SH3RF3: variants seen among roughly 807,000 people sequenced by gnomAD.
SH3RF3 encodes E3 ubiquitin-protein ligase SH3RF3.
SH3RF3 carries 29 observed loss-of-function variants against 66.3 expected under a neutral mutation model. The observed-to-expected ratio is 0.44, with a 90% confidence interval of 0.33 to 0.60. The LOEUF (loss-of-function observed/expected upper bound fraction) is 0.60, where lower values mean the gene tolerates loss of function less well. Among genes scored for constraint, SH3RF3 ranks in the 20% least tolerant of loss-of-function variants. The probability of loss-of-function intolerance (pLI) is 0.04; values close to 1 mark genes in which losing one functional copy is unlikely to be tolerated. For synonymous variants in SH3RF3, 583 were observed against 532.0 expected (o/e 1.10, Z -1.32); for missense variants, 1,194 against 1,190.9 (o/e 1.00, Z -0.04).
At position 109,129,457 on chromosome 2, in the gene SH3RF3, T is replaced by C; in HGVS notation, c.-84T>C. On this transcript the variant is annotated 5_prime_UTR_variant, in exon 1 of 10. Coordinates refer to ENST00000309415, the MANE Select transcript of SH3RF3 (RefSeq NM_001099289.3). ...GTCACGGCGGAGCCCGGCTCCCCAGTCCTGATGCTGGCTGCCGGTGGCGGG... is the reference window on the plus strand; with the variant it reads ...GTCACGGCGGAGCCCGGCTCCCCAGCCCTGATGCTGGCTGCCGGTGGCGGG... The C allele has an allele frequency of 6.7e-7, 1 of 1,495,066 alleles. No individual in the cohort carries two copies. Among genetic ancestry groups the C allele is most frequent in the Non-Finnish European group, 8.9e-7 (1 of 1,126,940 alleles). 92.6% of individuals were successfully genotyped at this position (1,495,066 alleles called of 1,614,324 possible). A position where few individuals can be genotyped will look rare whatever the true frequency, so the allele number is the denominator to read the frequency against.
intron 1 of SH3RF3, among the ~76,000 whole-genome samples, chr2:109,209,993 T>C (rs997561436): frequency 8.5e-5 from 13 of 152,216 alleles, no homozygotes; most frequent in African/African-American, 3.1e-4. Flanking sequence ...GCCCCCCCAG[T>C]AACCTCTGTT....
chr2:109,239,757 G>A (rs900453977), intron 1 of SH3RF3, among the ~76,000 whole-genome samples: 13 of 152,226 alleles, frequency 8.5e-5, no homozygotes, highest in Admixed American at 2.6e-4. Flanking sequence ...GAAAGGAGCT[G>A]GCGGCACTGC....
intron 9 of SH3RF3, among the ~76,000 whole-genome samples, chr2:109,493,392 GACACCACAC>G (rs1435652482): frequency 6.8e-6 from 1 of 147,366 alleles, no homozygotes; most frequent in East Asian, 2.1e-4. Context: ...ACATGGTACA[GACACCACAC>G]ACACCACACA....
At chr2:109,466,990 A>C (rs1461014031) in intron 8 of SH3RF3, among the ~76,000 whole-genome samples, 1 of 152,190 alleles carries the variant, frequency 6.6e-6, no homozygotes, top group Non-Finnish European at 1.5e-5. Context: ...TACTCTGTGA[A>C]AGAGAGAAAG....
Position 109,418,303 on chromosome 2 carries a change from G to T in SH3RF3, c.1300-1236G>T, listed in dbSNP as rs939476499. Among the ~76,000 whole-genome samples the T allele has an allele frequency of 3.3e-5, 5 of 152,206 alleles. 1 individual carries two copies. Among genetic ancestry groups the T allele is most frequent in the Admixed American group, 3.3e-4 (5 of 15,292 alleles). On this transcript the variant is annotated intron_variant, in intron 4 of 9. Transcript: ENST00000309415. The stretch of plus-strand genomic sequence containing the variant: ...AGGCTCCCTGACAGCCCCTCTAATG[G>T]AGTGTCCTGAGGCTTCCAGAGCAGT...
chr2:109,189,202 C>T (rs145953190), intron 1 of SH3RF3, among the ~76,000 whole-genome samples: 5 of 151,978 alleles, frequency 3.3e-5, no homozygotes, highest in African/African-American at 7.2e-5. Flanking sequence ...CTGATACCCC[C>T]GAGATAGAGG....
intron 2 of SH3RF3, among the ~76,000 whole-genome samples, chr2:109,358,128 A>G (rs527652835): frequency 3.7e-4 from 56 of 152,304 alleles, no homozygotes; most frequent in Middle Eastern, 6.8e-3. Flanking sequence ...AGAACGTCAT[A>G]CGGTTGAAAT....
chr2:109,346,867 A>T (rs548786002), intron 1 of SH3RF3, among the ~76,000 whole-genome samples: 1 of 152,340 alleles, frequency 6.6e-6, no homozygotes, highest in Admixed American at 6.5e-5. Context: ...CCCTTGAACA[A>T]TTGTACTTCT....
chr2:109,161,495 A>G (rs1005539843), intron 1 of SH3RF3, among the ~76,000 whole-genome samples: 1 of 151,338 alleles, frequency 6.6e-6, no homozygotes, highest in Non-Finnish European at 1.5e-5. Flanking sequence ...CGTGCATTAC[A>G]TATCGTAAGG....
intron 7 of SH3RF3, among the ~76,000 whole-genome samples, chr2:109,442,015 T>C (rs776810392): frequency 1.7e-4 from 26 of 152,104 alleles, no homozygotes; most frequent in Non-Finnish European, 2.6e-4. Flanking sequence ...TTGTCTCTAA[T>C]AAATCCACAC....
chr2:109,271,115 G>A (rs1262178672), intron 1 of SH3RF3, among the ~76,000 whole-genome samples: 2 of 152,182 alleles, frequency 1.3e-5, no homozygotes, highest in African/African-American at 2.4e-5. Context: ...GCCAGCGAAC[G>A]GGGCGAAGTG....
At chr2:109,411,033 T>C (rs1676574156) in intron 4 of SH3RF3, among the ~76,000 whole-genome samples, 1 of 152,138 alleles carries the variant, frequency 6.6e-6, no homozygotes, top group African/African-American at 2.4e-5. Flanking sequence ...AATTAAGCCA[T>C]TAAAAATCAA....
intron 2 of SH3RF3, among the ~76,000 whole-genome samples, chr2:109,352,401 G>C (rs1234592959): frequency 3.3e-5 from 5 of 152,186 alleles, no homozygotes; most frequent in Admixed American, 3.3e-4. Context: ...GGATTGCCTG[G>C]GGGTAGCGGA....
intron 3 of SH3RF3, among the ~76,000 whole-genome samples, chr2:109,394,926 C>G (rs1193120240): frequency 1.3e-5 from 2 of 152,262 alleles, no homozygotes; most frequent in East Asian, 3.9e-4. Context: ...GAGCCGCCGT[C>G]CCGCACAGGC....
Position 109,261,307 on chromosome 2 carries a change from A to T in SH3RF3, c.574-86367A>T, listed in dbSNP as rs141297934. On this transcript the variant is annotated intron_variant, in intron 1 of 9. Coordinates refer to ENST00000309415, the MANE Select transcript of SH3RF3 (RefSeq NM_001099289.3). ...TTGTCCCCTCCCCAGGGCTCCAGGA[A>T]GCCTTGATCCGCACACTGTGCTGAA... is the stretch of plus-strand genomic sequence containing the variant. 1.4e-4 allele frequency among the ~76,000 whole-genome samples: 21 copies of T among 152,284 alleles called. No individual in the cohort carries two copies. The East Asian group carries it at 4.1e-3, about 29-fold the overall frequency.
intron 1 of SH3RF3, among the ~76,000 whole-genome samples, chr2:109,147,707 A>C (rs368537145): frequency 1.3e-5 from 2 of 152,274 alleles, no homozygotes; most frequent in African/African-American, 4.8e-5. Context: ...TCTGGGTCTT[A>C]GGGCACTTTG....
chr2:109,481,270 T>C (rs1678827608), intron 8 of SH3RF3, among the ~76,000 whole-genome samples: 1 of 152,238 alleles, frequency 6.6e-6, no homozygotes, highest in African/African-American at 2.4e-5. Context: ...CCAGTCACCA[T>C]GCTGTCACCA....
chr2:109,352,983 C>T (rs902391303), intron 2 of SH3RF3, among the ~76,000 whole-genome samples: 3 of 152,264 alleles, frequency 2.0e-5, no homozygotes, highest in Non-Finnish European at 2.9e-5. Context: ...TCCATGGGCA[C>T]GCCTGGCTCC....
intron 1 of SH3RF3, among the ~76,000 whole-genome samples, chr2:109,174,776 C>T (rs944137245): frequency 6.6e-6 from 1 of 152,230 alleles, no homozygotes; most frequent in Non-Finnish European, 1.5e-5. Flanking sequence ...GGCTCACTCG[C>T]TGGAGCCCTG....
Sources: allele counts gnomAD v4.1 joint callset (sites outside exome capture counted in the v4.1 genomes callset), GRCh38; gene constraint gnomAD v4.1.1; transcripts MANE v1.5; gene names NCBI Gene and HGNC (gene_info 2026-07-23, HGNC 2026-07-21).